The following HKDC1 variants were observed in gnomAD, a reference collection of about 807,000 sequenced individuals.
HKDC1 encodes the protein hexokinase domain containing 1.
In HKDC1, 66 loss-of-function variants were observed where a neutral mutation model predicts 96.6. That is an observed-to-expected ratio of 0.68 (90% CI 0.56 to 0.84). The LOEUF is 0.84. Ranked by LOEUF, HKDC1 falls within the 40% of genes least tolerant of loss-of-function variation. The pLI is 0.00. For synonymous variants in HKDC1, 466 were observed against 473.1 expected (o/e 0.98, Z 0.20); for missense variants, 1,211 against 1,208.1 (o/e 1.00, Z -0.04).
chr10:69,266,924 G>T lies in HKDC1; in HGVS notation c.*167G>T, dbSNP rs1843910674. On this transcript the variant is annotated 3_prime_UTR_variant, in exon 18 of 18. Coordinates refer to ENST00000354624, the MANE Select transcript of HKDC1 (RefSeq NM_025130.4). ...ACTCTTAGTATCTTGTACTGGATTT[G>T]CAGTGACATTACATGACATCTCTAT... 1.7e-6 allele frequency: 1 copy of T among 595,482 alleles called. No homozygotes were observed. Among genetic ancestry groups the T allele is most frequent in the East Asian group, 2.9e-5 (1 of 34,128 alleles). 36.9% of individuals were successfully genotyped at this position (595,482 alleles called of 1,614,324 possible). A position where few individuals can be genotyped will look rare whatever the true frequency, so the allele number is the denominator to read the frequency against.
At chr10:69,221,225 G>A (rs1297524495) in intron 1 of HKDC1, among the ~76,000 whole-genome samples, 1 of 152,226 alleles carries the variant, frequency 6.6e-6, no homozygotes, top group African/African-American at 2.4e-5. Context: ...GCAAGAAGGT[G>A]TGAGTTGCAA....
chr10:69,258,866 G>T lies in HKDC1; in HGVS notation c.2123G>T (p.Trp708Leu), dbSNP rs773083853. The T allele has an allele frequency of 1.9e-6, 3 of 1,613,276 alleles. No homozygotes were observed. Among genetic ancestry groups the T allele is most frequent in the African/African-American group, 1.3e-5 (1 of 74,878 alleles). Reference protein sequence around the residue: ...GEGKMCINTEWGGFGDNGCID... With the variant: ...GEGKMCINTELGGFGDNGCID... ...GGGAAGATGTGCATCAATACAGAGT[G>T]GGGAGGATTTGGAGACAATGGCTGC... The change falls in exon 15 of 18, where the codon TGG becomes TTG. Residue 708 changes from tryptophan (W) to leucine (L), a missense_variant. Physicochemically the swap from Trp to Leu is moderately conservative, Grantham distance 61. Coordinates refer to ENST00000354624, the MANE Select transcript of HKDC1 (RefSeq NM_025130.4).
chr10:69,229,255 T>C (rs1211365676), intron 2 of HKDC1, among the ~76,000 whole-genome samples: 1 of 152,188 alleles, frequency 6.6e-6, no homozygotes, highest in Non-Finnish European at 1.5e-5. Context: ...GTTCTGGACC[T>C]CTCTGGAGCA....
intron 15 of HKDC1, among the ~76,000 whole-genome samples, chr10:69,260,689 A>G (rs1389993619): frequency 1.3e-5 from 2 of 152,192 alleles, no homozygotes; most frequent in African/African-American, 4.8e-5. Context: ...GTGCCTGGTC[A>G]GTACAAGGCC....
In HKDC1 at chr10:69,265,649, G is replaced by A; in HGVS notation, c.2437G>A (p.Glu813Lys). ...LQQLGLDSTC[E>K]DSIVVKEVCG... ...GCAGCTGGGCCTGGACAGCACGTGT[G>A]AGGACAGCATCGTGGTGAAGGAGGT... is the stretch of plus-strand genomic sequence containing the variant. The change falls in exon 17 of 18, where the codon GAG (glutamate) becomes AAG (lysine). Residue 813 changes from glutamate (E) to lysine (K), a missense_variant. Glu to Lys is a moderately conservative substitution (Grantham distance 56). Coordinates refer to ENST00000354624, the MANE Select transcript of HKDC1 (RefSeq NM_025130.4). 3 of 1,614,128 alleles carry A rather than the reference G, an allele frequency of 1.9e-6. No homozygotes were observed. Among genetic ancestry groups the A allele is most frequent in the Non-Finnish European group, 1.7e-6 (2 of 1,179,988 alleles).
intron 1 of HKDC1, among the ~76,000 whole-genome samples, chr10:69,221,455 C>T (rs756530952): frequency 2.7e-4 from 41 of 152,132 alleles, no homozygotes; most frequent in Non-Finnish European, 5.0e-4. Context: ...CACCGGCTGG[C>T]TGTCACGGCC....
chr10:69,237,744 G>A (rs950965469), intron 4 of HKDC1, among the ~76,000 whole-genome samples: 1 of 152,218 alleles, frequency 6.6e-6, no homozygotes, highest in African/African-American at 2.4e-5. Context: ...GCAGAAGTTA[G>A]GGAGAGCTGC....
chr10:69,228,950 A>G (rs898712307), intron 2 of HKDC1, among the ~76,000 whole-genome samples: 5 of 152,070 alleles, frequency 3.3e-5, no homozygotes, highest in African/African-American at 9.7e-5. Context: ...AAGAGAAAGA[A>G]AGAAAGAGAA....
chr10:69,224,501 C>T (rs866675547), intron 1 of HKDC1, among the ~76,000 whole-genome samples: 2 of 152,080 alleles, frequency 1.3e-5, no homozygotes, highest in South Asian at 4.1e-4. Flanking sequence ...CCAGGCTGGT[C>T]TCGAACTCTG....
intron 9 of HKDC1, 94 bp downstream of exon 9, chr10:69,247,687 G>C (rs1843564587): frequency 2.1e-6 from 2 of 944,382 alleles, no homozygotes; most frequent in Non-Finnish European, 3.2e-6. Flanking sequence ...CTGGGGTCTG[G>C]AACCAACAAC....
intron 2 of HKDC1, among the ~76,000 whole-genome samples, chr10:69,227,647 C>T (rs1327813520): frequency 3.3e-5 from 5 of 152,206 alleles, no homozygotes; most frequent in East Asian, 1.9e-4. Context: ...TGAGTATCAA[C>T]GTGGCTTTTC....
chr10:69,245,994 C>A, intron 7 of HKDC1, 85 bp from the exon 8 acceptor site: 1 of 1,531,138 alleles, frequency 6.5e-7, no homozygotes, highest in Non-Finnish European at 9.0e-7. Flanking sequence ...GTGCTCCTTC[C>A]TGTGGGCAGT....
chr10:69,254,644 T>C (rs1843692634), intron 12 of HKDC1, among the ~76,000 whole-genome samples: 1 of 152,194 alleles, frequency 6.6e-6, no homozygotes, highest in Admixed American at 6.5e-5. Flanking sequence ...TATAGGTGTG[T>C]TTTGTGGTTT....
intron 16 of HKDC1, chr10:69,262,102 A>T (rs1184664883): frequency 2.3e-6 from 1 of 440,044 alleles, no homozygotes; most frequent in African/African-American, 2.0e-5. Flanking sequence ...CTATTATTTC[A>T]CTAGACATCG....
intron 15 of HKDC1, among the ~76,000 whole-genome samples, chr10:69,259,666 CA>C (rs1366511993): frequency 6.6e-6 from 1 of 152,192 alleles, no homozygotes; most frequent in Non-Finnish European, 1.5e-5. Context: ...GTGCAGGAAG[CA>C]TGGCTGGGAG....
intron 7 of HKDC1, among the ~76,000 whole-genome samples, chr10:69,244,273 TCATGTCGCA>T (rs1236417157): frequency 2.0e-5 from 3 of 152,174 alleles, no homozygotes; most frequent in East Asian, 3.9e-4. Flanking sequence ...CGTTCCCGGC[TCATGTCGCA>T]CTTTCCTAGC....
intron 12 of HKDC1, among the ~76,000 whole-genome samples, chr10:69,254,798 C>T (rs559573580): frequency 5.7e-4 from 87 of 152,154 alleles, no homozygotes; most frequent in African/African-American, 2.0e-3. Context: ...CGTGAATTTA[C>T]TTACTTAAAA....
At chr10:69,248,167 C>T (rs980259370) in intron 9 of HKDC1, among the ~76,000 whole-genome samples, 1 of 152,146 alleles carries the variant, frequency 6.6e-6, no homozygotes, top group Non-Finnish European at 1.5e-5. Context: ...TGATGTTCAG[C>T]CAATACATTA....
At chr10:69,229,668 C>T (rs1324909253) in intron 2 of HKDC1, among the ~76,000 whole-genome samples, 1 of 152,168 alleles carries the variant, frequency 6.6e-6, no homozygotes, top group East Asian at 1.9e-4. Flanking sequence ...GCCCTGGCTG[C>T]TTCTGAAGGT....
Sources: gnomAD v4.1 joint callset for allele counts (sites outside exome capture counted in the v4.1 genomes callset) on GRCh38, gnomAD v4.1.1 for gene constraint, MANE v1.5 for transcripts, NCBI Gene and HGNC (gene_info 2026-07-23, HGNC 2026-07-21) for gene names.